The following MAD1L1 variants were observed in gnomAD, a reference collection of about 807,000 sequenced individuals.
MAD1L1 encodes mitotic spindle assembly checkpoint protein MAD1.
In MAD1L1, 95 loss-of-function variants were observed where a neutral mutation model predicts 96.9. That is an observed-to-expected ratio of 0.98 (90% CI 0.83 to 1.16). MAD1L1 has a LOEUF of 1.16. MAD1L1 is among the 50% of genes most tolerant of loss of function. The pLI is 0.00. For synonymous variants in MAD1L1, 473 were observed against 396.6 expected (o/e 1.19, Z -2.29); for missense variants, 1,007 against 954.4 (o/e 1.06, Z -0.73).
intron 5 of MAD1L1, among the ~76,000 whole-genome samples, chr7:2,220,139 C>G (rs1041340602): frequency 6.6e-6 from 1 of 152,210 alleles, no homozygotes; most frequent in Non-Finnish European, 1.5e-5. Flanking sequence ...CACTGGCCAA[C>G]CAACAGGACA....
At chr7:1,863,878 G>A (rs150631060) in intron 18 of MAD1L1, among the ~76,000 whole-genome samples, 1 of 152,200 alleles carries the variant, frequency 6.6e-6, no homozygotes, top group Non-Finnish European at 1.5e-5. Flanking sequence ...CACAAGGTCA[G>A]GAGTTCAAGA....
At chr7:2,222,794 C>T (rs144195184) in intron 4 of MAD1L1, 40 bp from the exon 5 acceptor site, 9 of 1,520,466 alleles carry the variant, frequency 5.9e-6, no homozygotes, top group Admixed American at 3.8e-5. Context: ...GTGCCGCCCA[C>T]GGGAGGGTCA....
At chr7:1,825,086 T>G (rs1156613487) in intron 18 of MAD1L1, among the ~76,000 whole-genome samples, 3 of 152,208 alleles carry the variant, frequency 2.0e-5, no homozygotes, top group Non-Finnish European at 2.9e-5. Context: ...CCAGATTTTT[T>G]TATATGCTGC....
At chr7:1,821,586 T>G (rs905395169) in intron 18 of MAD1L1, among the ~76,000 whole-genome samples, 28 of 152,136 alleles carry the variant, frequency 1.8e-4, no homozygotes, top group African/African-American at 6.0e-4. Context: ...TATCACACCC[T>G]GACCAAGTGG....
chr7:2,197,753 G>A (rs1792069290), intron 10 of MAD1L1, among the ~76,000 whole-genome samples: 1 of 152,210 alleles, frequency 6.6e-6, no homozygotes, highest in African/African-American at 2.4e-5. Context: ...CAGCCCTAGG[G>A]CTCCTCTAGG....
In MAD1L1 at chr7:1,952,076, T is replaced by C. The variant is rs549179698; in HGVS notation, c.1596+5553A>G. On this transcript the variant is annotated intron_variant, in intron 16 of 18. Coordinates refer to ENST00000265854, the MANE Select transcript of MAD1L1 (RefSeq NM_001013836.2). The stretch of plus-strand genomic sequence containing the variant: ...CTCAGGCTTAGTCTGCAAACTCCCA[T>C]GGCAGGAATTACCTAAGTGATCACA... 5.3e-5 allele frequency among the ~76,000 whole-genome samples: 8 copies of C among 152,320 alleles called. No homozygotes were observed. In the South Asian group the frequency reaches 1.2e-3, roughly 24 times the overall value.
rs553638877 is a variant in MAD1L1 at position 2,222,553 on chromosome 7, G to C, written c.471+22C>G. The C allele has an allele frequency of 6.6e-5, 103 of 1,553,442 alleles. No individual in the cohort carries two copies. In the South Asian group the frequency reaches 1.2e-3, roughly 18 times the overall value. On this transcript the variant is annotated intron_variant, in intron 5 of 18. Transcript: ENST00000265854. Reference sequence around the variant, plus strand: ...CCTCTCCTCGGGAAAACAGCTCCCTGCGCAGCAGAGGCCCCGCTCACCTCG... The same window carrying C: ...CCTCTCCTCGGGAAAACAGCTCCCTCCGCAGCAGAGGCCCCGCTCACCTCG...
chr7:1,902,192 A>AC, intron 17 of MAD1L1, among the ~76,000 whole-genome samples: 1 of 152,296 alleles, frequency 6.6e-6, no homozygotes, highest in African/African-American at 2.4e-5. Context: ...CTGGAATCAC[A>AC]GGAGGCAGCT....
chr7:2,081,739 G>A (rs1201900028), intron 11 of MAD1L1, among the ~76,000 whole-genome samples: 2 of 152,268 alleles, frequency 1.3e-5, no homozygotes, highest in Non-Finnish European at 2.9e-5. Flanking sequence ...GAGGGGGCAG[G>A]AGCTAAGTGC....
In MAD1L1 at chr7:2,088,116, A is replaced by T. The variant is rs1786019753; in HGVS notation, c.1074-18778T>A. On this transcript the variant is annotated intron_variant, in intron 11 of 18. Coordinates refer to ENST00000265854, the MANE Select transcript of MAD1L1 (RefSeq NM_001013836.2). This position sits in a 1 kb window ranked among gnomAD's most constrained non-coding sequence, Gnocchi z 4.4. ...CTCCCCTTTAAAAGTCTACACACAA[A>T]GCACCCGCACAGGCTGAGTGGAAAT... Among the ~76,000 whole-genome samples, 1 of 152,192 alleles carries T rather than the reference A, an allele frequency of 6.6e-6. No individual in the cohort carries two copies. Among genetic ancestry groups the T allele is most frequent in the Non-Finnish European group, 1.5e-5 (1 of 68,036 alleles).
chr7:1,834,943 T>C (rs947656221), intron 18 of MAD1L1, among the ~76,000 whole-genome samples: 2 of 151,914 alleles, frequency 1.3e-5, no homozygotes, highest in African/African-American at 2.4e-5. Flanking sequence ...TCCAATAACA[T>C]ATAAAAAAAG....
intron 10 of MAD1L1, among the ~76,000 whole-genome samples, chr7:2,166,538 C>T (rs1790436916): frequency 6.6e-6 from 1 of 152,248 alleles, no homozygotes; most frequent in African/African-American, 2.4e-5. Context: ...CCTGTTTCCT[C>T]ACTCTTTGGA....
chr7:1,996,626 G>C (rs1203379573), intron 14 of MAD1L1, among the ~76,000 whole-genome samples: 1 of 152,234 alleles, frequency 6.6e-6, no homozygotes, highest in Non-Finnish European at 1.5e-5. Flanking sequence ...AGAAGGGTGG[G>C]GGACGGGAAG....
At chr7:2,029,275 A>G (rs1281005305) in intron 12 of MAD1L1, among the ~76,000 whole-genome samples, 1 of 152,254 alleles carries the variant, frequency 6.6e-6, no homozygotes, top group Non-Finnish European at 1.5e-5. Context: ...TATACCCATA[A>G]GATAGAAATG....
chr7:1,823,971 C>CG (rs993408470), intron 18 of MAD1L1, among the ~76,000 whole-genome samples: 2 of 152,114 alleles, frequency 1.3e-5, no homozygotes, highest in African/African-American at 4.8e-5. Context: ...AAGGAGCCCT[C>CG]GGGGGAAGTT....
intron 11 of MAD1L1, among the ~76,000 whole-genome samples, chr7:2,090,832 T>A (rs1786174305): frequency 6.6e-6 from 1 of 152,180 alleles, no homozygotes; most frequent in South Asian, 2.1e-4. Context: ...GCAGGCAACG[T>A]TACCTTTTGG....
Position 1,987,989 on chromosome 7 carries a change from G to GC in MAD1L1, c.1417-7449dup, listed in dbSNP as rs766752907. ...GCTGAGCTGGCAGGAAGTCAGGCAG[G>GC]CCCCTAGGAGGCATCCTCACCGAGG... is the stretch of plus-strand genomic sequence containing the variant. On this transcript the variant is annotated intron_variant, in intron 14 of 18. Coordinates refer to ENST00000265854, the MANE Select transcript of MAD1L1 (RefSeq NM_001013836.2). Among the ~76,000 whole-genome samples, 73 of 152,188 alleles carry GC rather than the reference G, an allele frequency of 4.8e-4. 3 individuals are homozygous for GC. Among genetic ancestry groups the GC allele is most frequent in the Non-Finnish European group, 2.4e-4 (16 of 68,012 alleles).
intron 11 of MAD1L1, among the ~76,000 whole-genome samples, chr7:2,089,625 A>G (rs1412607140): frequency 1.3e-5 from 2 of 151,528 alleles, no homozygotes; most frequent in Non-Finnish European, 2.9e-5. Context: ...CATCACGTGC[A>G]TCGTGTTTAA....
chr7:2,068,594 G>T (rs1353662084), intron 12 of MAD1L1, among the ~76,000 whole-genome samples: 3 of 152,150 alleles, frequency 2.0e-5, no homozygotes, highest in African/African-American at 7.2e-5. Flanking sequence ...GAGCATCTGG[G>T]GACAGATTGA....
Sources: gnomAD v4.1 joint callset for allele counts (sites outside exome capture counted in the v4.1 genomes callset) on GRCh38, gnomAD v4.1.1 for gene constraint, Gnocchi (gnomAD v3.1) non-coding constraint, MANE v1.5 for transcripts, NCBI Gene and HGNC (gene_info 2026-07-23, HGNC 2026-07-21) for gene names.